INPP4B: variants seen among roughly 807,000 people sequenced by gnomAD.
INPP4B encodes inositol polyphosphate-4-phosphatase type II B.
A neutral mutation model predicts 122.5 loss-of-function variants in INPP4B; 55 were observed. The ratio of observed to expected loss-of-function variants is 0.45; its 90% CI spans 0.36 to 0.56. INPP4B has a LOEUF of 0.56. Among genes scored for constraint, INPP4B ranks in the 20% least tolerant of loss-of-function variants. The probability of loss-of-function intolerance (pLI) is 0.00; values close to 1 mark genes in which losing one functional copy is unlikely to be tolerated. For synonymous variants in INPP4B, 403 were observed against 388.7 expected (o/e 1.04, Z -0.43); for missense variants, 1,000 against 1,097.7 (o/e 0.91, Z 1.26).
chr4:142,372,969 A>T (rs1395855862), intron 7 of INPP4B, among the ~76,000 whole-genome samples: 1 of 151,944 alleles, frequency 6.6e-6, no homozygotes, highest in Admixed American at 6.6e-5. Context: ...TACACAATAC[A>T]TACATACATA....
intron 7 of INPP4B, among the ~76,000 whole-genome samples, chr4:142,367,188 ATGTGTGTGTGTG>A (rs5862590): frequency 5.3e-5 from 7 of 132,728 alleles, no homozygotes; most frequent in African/African-American, 1.7e-4. Context: ...TACATGTAAT[ATGTGTGTGTGTG>A]TGTGTGTGTG....
chr4:142,190,942 C>T (rs552641370), intron 15 of INPP4B, among the ~76,000 whole-genome samples: 2 of 152,026 alleles, frequency 1.3e-5, no homozygotes, highest in Non-Finnish European at 2.9e-5. Flanking sequence ...TTTCTATGCT[C>T]AACAGGATTC....
chr4:142,537,525 C>T (rs1396991432), intron 2 of INPP4B, among the ~76,000 whole-genome samples: 2 of 150,102 alleles, frequency 1.3e-5, no homozygotes, highest in Admixed American at 1.3e-4. Flanking sequence ...ACAACACACA[C>T]AATCACATAC....
chr4:142,067,601 G>A (rs147108103), intron 25 of INPP4B, among the ~76,000 whole-genome samples: 16,677 of 152,080 alleles, frequency 0.11, 1,210 homozygotes, highest in South Asian at 0.23. Flanking sequence ...TAGATGAATG[G>A]CTAACTAGAA....
intron 2 of INPP4B, among the ~76,000 whole-genome samples, chr4:142,673,420 A>G (rs1560946795): frequency 6.6e-6 from 1 of 151,824 alleles, no homozygotes; most frequent in Non-Finnish European, 1.5e-5. Flanking sequence ...AGGAGACAAA[A>G]AAAAAAAAAA....
At chr4:142,403,950 TATA>T (rs1426532712) in intron 6 of INPP4B, among the ~76,000 whole-genome samples, 1 of 152,194 alleles carries the variant, frequency 6.6e-6, no homozygotes, top group Admixed American at 6.5e-5. Context: ...TGGTAAATTT[TATA>T]ATATGTGTAT....
intron 25 of INPP4B, among the ~76,000 whole-genome samples, chr4:142,040,528 G>A (rs1746765774): frequency 6.6e-6 from 1 of 152,104 alleles, no homozygotes; most frequent in South Asian, 2.1e-4. Context: ...ATGCAATGAA[G>A]CTTGTTGAAA....
At chr4:142,030,095 T>C (rs1024379999) in intron 25 of INPP4B, 34 of 1,486,794 alleles carry the variant, frequency 2.3e-5, no homozygotes, top group Non-Finnish European at 3.0e-5. Context: ...TCATTGTCAT[T>C]TGTAGAAAAG....
At chr4:142,715,985 CT>C (rs1560990869) in intron 2 of INPP4B, among the ~76,000 whole-genome samples, 2 of 152,200 alleles carry the variant, frequency 1.3e-5, no homozygotes, top group African/African-American at 4.8e-5. Context: ...CCTGGACTTT[CT>C]CACAACATGA....
At chr4:142,692,858 T>A (rs1307186594) in intron 2 of INPP4B, among the ~76,000 whole-genome samples, 3 of 151,066 alleles carry the variant, frequency 2.0e-5, no homozygotes, top group Non-Finnish European at 4.4e-5. Context: ...GAGGATTTTT[T>A]AAGAGCTCTA....
chr4:142,555,704 T>A (rs761185943), intron 2 of INPP4B, among the ~76,000 whole-genome samples: 1 of 151,642 alleles, frequency 6.6e-6, no homozygotes, highest in Non-Finnish European at 1.5e-5. Context: ...CAGTCTCTAC[T>A]AAAAATACAA....
chr4:142,233,232 G>A (rs1030713983), intron 12 of INPP4B, among the ~76,000 whole-genome samples: 7 of 151,942 alleles, frequency 4.6e-5, no homozygotes, highest in African/African-American at 1.7e-4. Context: ...GAGTGTATGT[G>A]TATTCCCACA....
intron 23 of INPP4B, among the ~76,000 whole-genome samples, chr4:142,094,859 G>A (rs970598091): frequency 1.3e-5 from 2 of 152,044 alleles, no homozygotes; most frequent in Non-Finnish European, 1.5e-5. Flanking sequence ...TAATTTCTGA[G>A]GTATTAGGTA....
chr4:142,614,772 T>C (rs1423587809), intron 2 of INPP4B, among the ~76,000 whole-genome samples: 3 of 151,934 alleles, frequency 2.0e-5, no homozygotes, highest in Non-Finnish European at 4.4e-5. Flanking sequence ...ACAAGTAACC[T>C]ATAAACATAT....
rs548087410 is a variant in INPP4B, at chr4:142,783,504, G to A, written c.-253-57603C>T. Among the ~76,000 whole-genome samples, 60 of 152,170 alleles carry A rather than the reference G, an allele frequency of 3.9e-4. No homozygotes were observed. The South Asian group carries it at 9.1e-3, about 23-fold the overall frequency. On this transcript the variant is annotated intron_variant, in intron 1 of 25. Transcript: ENST00000262992. Reference sequence around the variant, plus strand: ...CAATATTTATGTTATGGGGAGTACCGAAGCACCACGCATAGACAGTTTTTA... The same window carrying A: ...CAATATTTATGTTATGGGGAGTACCAAAGCACCACGCATAGACAGTTTTTA...
chr4:142,844,698 T>A (rs1783970766), intron 1 of INPP4B, among the ~76,000 whole-genome samples: 1 of 152,232 alleles, frequency 6.6e-6, no homozygotes, highest in Non-Finnish European at 1.5e-5. Context: ...TTACTCAACT[T>A]CTTACACATC....
At chr4:142,666,074 A>G (rs1337489032) in intron 2 of INPP4B, among the ~76,000 whole-genome samples, 1 of 152,214 alleles carries the variant, frequency 6.6e-6, no homozygotes, top group Non-Finnish European at 1.5e-5. Context: ...ATCACAGTTA[A>G]CTGAAACTGC....
At chr4:142,775,929 G>C (rs1349205775) in intron 1 of INPP4B, among the ~76,000 whole-genome samples, 1 of 152,038 alleles carries the variant, frequency 6.6e-6, no homozygotes, top group African/African-American at 2.4e-5. Flanking sequence ...TTTGTCAAAT[G>C]CTTTTTCTGC....
chr4:142,807,481 C>A lies in INPP4B; in HGVS notation c.-254+38728G>T, dbSNP rs377080394. 1.7e-4 allele frequency among the ~76,000 whole-genome samples: 26 copies of A among 152,198 alleles called. No homozygotes were observed. In the East Asian group the frequency reaches 4.2e-3, roughly 25 times the overall value. On this transcript the variant is annotated intron_variant, in intron 1 of 25. Coordinates refer to ENST00000262992, the MANE Select transcript of INPP4B (RefSeq NM_001101669.3). ...AGGGCAATGATCAAACTATCAAGGG[C>A]CTGGACAGTTTATGCTACATAGTTT...
Sources: gnomAD v4.1 joint callset for allele counts (sites outside exome capture counted in the v4.1 genomes callset) on GRCh38, gnomAD v4.1.1 for gene constraint, MANE v1.5 for transcripts, NCBI Gene and HGNC (gene_info 2026-07-23, HGNC 2026-07-21) for gene names.